Variants in GRM5 observed in about 807,000 individuals in gnomAD.
The protein encoded by GRM5 is metabotropic glutamate receptor 5.
GRM5 carries 19 observed loss-of-function variants against 83.1 expected under a neutral mutation model. The observed-to-expected ratio is 0.23, with a 90% CI of 0.16 to 0.34. GRM5 has a LOEUF of 0.34. GRM5 is among the 10% of genes least tolerant of loss of function. The pLI is 1.00. For missense variants in GRM5, 1,160 were observed against 1,588.3 expected, an observed-to-expected ratio of 0.73 and a Z score of 4.58; for synonymous variants, 675 against 633.6, an observed-to-expected ratio of 1.07 and a Z score of -0.98.
At chr11:89,009,930 A>C (rs867500032) in intron 2 of GRM5, among the ~76,000 whole-genome samples, 75 of 100,140 alleles carry the variant, frequency 7.5e-4, no homozygotes, top group African/African-American at 2.2e-3. Flanking sequence ...AAAAAAAAAA[A>C]CACACACAAA....
At chr11:88,917,824 AC>A (rs1453906750) in intron 2 of GRM5, among the ~76,000 whole-genome samples, 1 of 152,186 alleles carries the variant, frequency 6.6e-6, no homozygotes, top group Non-Finnish European at 1.5e-5. Context: ...AAGCATGCCT[AC>A]AAGATTTATA....
chr11:88,787,018 G>T (rs1943083450), intron 3 of GRM5, among the ~76,000 whole-genome samples: 1 of 152,080 alleles, frequency 6.6e-6, no homozygotes, highest in Non-Finnish European at 1.5e-5. Context: ...AGGTGGAAAA[G>T]ACTGACAGTA....
At chr11:89,053,904 G>T (rs1941815368) in intron 1 of GRM5, among the ~76,000 whole-genome samples, 1 of 152,200 alleles carries the variant, frequency 6.6e-6, no homozygotes, top group Admixed American at 6.5e-5. Context: ...TATTTAGTGT[G>T]CTGAGGAGTA....
intron 2 of GRM5, among the ~76,000 whole-genome samples, chr11:88,878,785 T>C (rs1944900663): frequency 6.6e-6 from 1 of 152,166 alleles, no homozygotes; most frequent in Admixed American, 6.6e-5. Flanking sequence ...GTTCATGCAA[T>C]GGCTTGGAAA....
chr11:88,534,404 T>C (rs2135121788), intron 8 of GRM5, among the ~76,000 whole-genome samples: 1 of 152,364 alleles, frequency 6.6e-6, no homozygotes, highest in East Asian at 1.9e-4. Flanking sequence ...TAGCGTGACC[T>C]GGATGTGAGA....
At position 88,567,912 on chromosome 11, in the gene GRM5, G is replaced by A. The variant is rs767155087; in HGVS notation, c.1771C>T (p.Leu591Phe). Residue 591 changes from leucine to phenylalanine, a missense_variant, in exon 8 of 10, where the codon CTC (leucine) becomes TTC (phenylalanine). Transcript: ENST00000305447. The surrounding 1 kb of genome is among the most constrained non-coding windows in gnomAD (Gnocchi z 7.3). Reference sequence around the variant, plus strand: ...ACAGTAACAAACAGGGTGGCCAGGAGGCCAAGGCAGGCAAACACCACAGCT... The same window carrying A: ...ACAGTAACAAACAGGGTGGCCAGGAAGCCAAGGCAGGCAAACACCACAGCT... Reference protein sequence around the residue: ...IAAVVFACLGLLATLFVTVVF... With the variant: ...IAAVVFACLGFLATLFVTVVF... 1.2e-6 allele frequency: 2 copies of A among 1,613,996 alleles called. No homozygotes were observed. Among genetic ancestry groups the A allele is most frequent in the Non-Finnish European group, 1.7e-6 (2 of 1,179,862 alleles).
Position 88,640,118 on chromosome 11 carries a change from C to A in GRM5, c.1147+13050G>T, listed in dbSNP as rs117216113. Among the ~76,000 whole-genome samples the A allele has an allele frequency of 6.0e-3, 917 of 152,234 alleles. 12 individuals carry two copies. The East Asian group carries it at 0.066, about 11-fold the overall frequency. ...CGTGGACAAACTTTCATTCCTTTGG[C>A]AATGAAACATATCAAAATACAAATA... On this transcript the variant is annotated intron_variant, in intron 4 of 9. Coordinates refer to ENST00000305447, the MANE Select transcript of GRM5 (RefSeq NM_001143831.3).
intron 2 of GRM5, among the ~76,000 whole-genome samples, chr11:89,035,904 T>A (rs748435005): frequency 2.0e-5 from 3 of 152,056 alleles, no homozygotes; most frequent in Non-Finnish European, 4.4e-5. Context: ...CATATCTCAA[T>A]GTACTACAAC....
At chr11:88,730,638 A>C (rs551298078) in intron 3 of GRM5, among the ~76,000 whole-genome samples, 3 of 152,296 alleles carry the variant, frequency 2.0e-5, no homozygotes, top group East Asian at 3.9e-4. Flanking sequence ...TCAATGATAG[A>C]CTAGATAAAA....
chr11:89,010,857 A>C (rs909780405), intron 2 of GRM5, among the ~76,000 whole-genome samples: 2 of 151,888 alleles, frequency 1.3e-5, no homozygotes, highest in African/African-American at 4.8e-5. Context: ...AGCTTGCAAA[A>C]GCAAAGCTAA....
At chr11:88,640,657 G>A (rs1243393003) in intron 4 of GRM5, among the ~76,000 whole-genome samples, 1 of 152,198 alleles carries the variant, frequency 6.6e-6, no homozygotes, top group Non-Finnish European at 1.5e-5. Context: ...ACATTCACAT[G>A]ACCTCTGGTT....
chr11:89,006,659 T>C (rs1159250879), intron 2 of GRM5, among the ~76,000 whole-genome samples: 5 of 152,254 alleles, frequency 3.3e-5, no homozygotes, highest in African/African-American at 1.2e-4. Context: ...CCAGCCACTT[T>C]GGCCTTCTTT....
At chr11:88,776,049 C>T (rs1942841219) in intron 3 of GRM5, among the ~76,000 whole-genome samples, 1 of 152,144 alleles carries the variant, frequency 6.6e-6, no homozygotes, top group Non-Finnish European at 1.5e-5. Flanking sequence ...GTGTTAAAGT[C>T]TCCCATTATC....
chr11:88,723,991 T>C (rs1273789943), intron 3 of GRM5, among the ~76,000 whole-genome samples: 1 of 152,186 alleles, frequency 6.6e-6, no homozygotes, highest in Non-Finnish European at 1.5e-5. Flanking sequence ...GTGAACATTA[T>C]ACTCAATAGG....
At chr11:88,763,805 G>A (rs1942576054) in intron 3 of GRM5, among the ~76,000 whole-genome samples, 1 of 151,476 alleles carries the variant, frequency 6.6e-6, no homozygotes, top group Non-Finnish European at 1.5e-5. Context: ...TAAACCCAAA[G>A]GAAGTTATTA....
chr11:88,976,025 C>G (rs1326470331), intron 2 of GRM5, among the ~76,000 whole-genome samples: 3 of 152,192 alleles, frequency 2.0e-5, no homozygotes, highest in Non-Finnish European at 4.4e-5. Context: ...CAGGTTGCAG[C>G]TAGCACATGG....
chr11:88,696,285 A>T (rs539590467), intron 3 of GRM5, among the ~76,000 whole-genome samples: 40 of 151,866 alleles, frequency 2.6e-4, no homozygotes, highest in South Asian at 8.3e-4. Flanking sequence ...TCCATGTCCA[A>T]CTGCTTGTGT....
intron 3 of GRM5, among the ~76,000 whole-genome samples, chr11:88,777,104 A>G (rs1177732435): frequency 6.6e-6 from 1 of 152,112 alleles, no homozygotes; most frequent in Admixed American, 6.5e-5. Flanking sequence ...GTCTTTTCAC[A>G]TAGTCCCATA....
chr11:88,816,679 G>A (rs1943692809), intron 3 of GRM5, among the ~76,000 whole-genome samples: 1 of 143,864 alleles, frequency 7.0e-6, no homozygotes, highest in Non-Finnish European at 1.5e-5. Context: ...TAAAAAATCA[G>A]TGAATCAAAA....
Sources: allele counts gnomAD v4.1 joint callset (sites outside exome capture counted in the v4.1 genomes callset), GRCh38; gene constraint gnomAD v4.1.1; non-coding constraint Gnocchi (gnomAD v3.1); transcripts MANE v1.5; gene names NCBI Gene and HGNC (gene_info 2026-07-23, HGNC 2026-07-21).